Variants in FCHSD2 observed in about 807,000 individuals in gnomAD.
The protein encoded by FCHSD2 is F-BAR and double SH3 domains protein 2.
A neutral mutation model predicts 108.1 loss-of-function variants in FCHSD2; 38 were observed. The observed-to-expected ratio is 0.35, with a 90% CI of 0.27 to 0.46. FCHSD2 has a LOEUF of 0.46. Among genes scored for constraint, FCHSD2 ranks in the 20% least tolerant of loss-of-function variants. The probability of loss-of-function intolerance (pLI) is 1.00; values close to 1 mark genes in which losing one functional copy is unlikely to be tolerated. For synonymous variants in FCHSD2, 279 were observed against 314.7 expected (o/e 0.89, Z 1.20); for missense variants, 751 against 897.8 (o/e 0.84, Z 2.09).
chr11:73,072,240 G>A (rs1295021887), intron 3 of FCHSD2, among the ~76,000 whole-genome samples: 1 of 151,404 alleles, frequency 6.6e-6, no homozygotes, highest in Non-Finnish European at 1.5e-5. Flanking sequence ...GTTTGGGGAG[G>A]AAAATAATGG....
At chr11:73,102,447 G>A (rs752379088) in intron 2 of FCHSD2, among the ~76,000 whole-genome samples, 1 of 152,198 alleles carries the variant, frequency 6.6e-6, no homozygotes, top group Non-Finnish European at 1.5e-5. Flanking sequence ...AATGTGTACA[G>A]CAGCATTATT....
At chr11:73,008,768 G>A (rs1250325014) in intron 4 of FCHSD2, among the ~76,000 whole-genome samples, 2 of 152,142 alleles carry the variant, frequency 1.3e-5, no homozygotes, top group Non-Finnish European at 2.9e-5. Context: ...TATAGTTTGT[G>A]TCATTATAGC....
At chr11:72,950,516 T>C (rs190075895) in intron 8 of FCHSD2, among the ~76,000 whole-genome samples, 3 of 152,238 alleles carry the variant, frequency 2.0e-5, no homozygotes, top group Non-Finnish European at 2.9e-5. Flanking sequence ...TGCTGTGAGG[T>C]AGAGGTCCAA....
At chr11:73,116,001 C>T (rs1005869574) in intron 2 of FCHSD2, among the ~76,000 whole-genome samples, 3 of 152,206 alleles carry the variant, frequency 2.0e-5, no homozygotes, top group African/African-American at 7.2e-5. Flanking sequence ...ACTGTGTTAT[C>T]CACGAGTTTA....
intron 10 of FCHSD2, among the ~76,000 whole-genome samples, chr11:72,897,362 T>C (rs955027012): frequency 6.7e-6 from 1 of 149,528 alleles, no homozygotes; most frequent in African/African-American, 2.5e-5. Context: ...GTACTGAACA[T>C]GTACAGACTT....
At chr11:72,921,802 T>G (rs765550319) in intron 9 of FCHSD2, 26 bp downstream of exon 9, 1 of 1,595,498 alleles carries the variant, frequency 6.3e-7, no homozygotes, top group Non-Finnish European at 8.6e-7. Context: ...TGGATAACAC[T>G]ACACGTTGCA....
chr11:73,028,094 A>G (rs534857599), intron 3 of FCHSD2, among the ~76,000 whole-genome samples: 1 of 152,316 alleles, frequency 6.6e-6, no homozygotes, highest in Non-Finnish European at 1.5e-5. Flanking sequence ...CCCCACACAG[A>G]ATGCTCACAG....
At chr11:73,026,806 A>G (rs1420525758) in intron 3 of FCHSD2, among the ~76,000 whole-genome samples, 1 of 152,156 alleles carries the variant, frequency 6.6e-6, no homozygotes, top group East Asian at 1.9e-4. Context: ...ACAGCAAGTG[A>G]GTTCTCATGA....
At chr11:72,889,155 C>T (rs748024059) in intron 11 of FCHSD2, among the ~76,000 whole-genome samples, 29 of 151,316 alleles carry the variant, frequency 1.9e-4, no homozygotes, top group Non-Finnish European at 3.5e-4. Flanking sequence ...GGGGTTTCAC[C>T]GTAACACATG....
intron 2 of FCHSD2, among the ~76,000 whole-genome samples, chr11:73,089,304 G>A (rs944084455): frequency 3.3e-5 from 5 of 152,186 alleles, no homozygotes; most frequent in African/African-American, 1.2e-4. Context: ...GTAAGTATGT[G>A]AAGAAATCAG....
chr11:73,096,172 G>A (rs1860069659), intron 2 of FCHSD2, among the ~76,000 whole-genome samples: 3 of 151,828 alleles, frequency 2.0e-5, no homozygotes, highest in South Asian at 2.1e-4. Flanking sequence ...ACACCCATGA[G>A]CAAAAAAATG....
chr11:73,045,479 T>C (rs1405715857), intron 3 of FCHSD2, among the ~76,000 whole-genome samples: 4 of 152,104 alleles, frequency 2.6e-5, no homozygotes, highest in African/African-American at 9.7e-5. Flanking sequence ...GTATGTTTAT[T>C]GTGGCACTAT....
rs1293147213 is a variant in FCHSD2 at position 72,837,429 on chromosome 11, T to C, written c.*1362A>G. ...AGTTTTCAAAGCATAATACAACTTG[T>C]AGATTAAATTCTGCAAATTTGATTT... On this transcript the variant is annotated 3_prime_UTR_variant, in exon 20 of 20. Coordinates refer to ENST00000409418, the MANE Select transcript of FCHSD2 (RefSeq NM_014824.3). The C allele has an allele frequency of 6.7e-6, 1 of 150,334 alleles. No homozygotes were observed. The highest frequency in any genetic ancestry group is 1.5e-5 in the Non-Finnish European group (1 of 67,576). The allele number at this position is 150,334 out of a possible 1,614,324, so 9.3% of individuals were successfully genotyped here.
intron 14 of FCHSD2, chr11:72,843,783 C>T (rs1861039713): frequency 2.3e-6 from 1 of 436,330 alleles, no homozygotes; most frequent in East Asian, 3.8e-5. Flanking sequence ...ATGAACAGAA[C>T]ATGTAAGCCT....
At chr11:72,847,418 G>A (rs1254557283) in intron 14 of FCHSD2, among the ~76,000 whole-genome samples, 4 of 152,124 alleles carry the variant, frequency 2.6e-5, no homozygotes, top group Non-Finnish European at 2.9e-5. Context: ...GACCTACTAC[G>A]TGCTGGGCAT....
At chr11:73,036,853 T>G (rs960891883) in intron 3 of FCHSD2, among the ~76,000 whole-genome samples, 1 of 152,234 alleles carries the variant, frequency 6.6e-6, no homozygotes. Context: ...GAGTACAATT[T>G]TCTGTAATAC....
chr11:73,056,139 C>G (rs1411220420), intron 3 of FCHSD2, among the ~76,000 whole-genome samples: 2 of 152,232 alleles, frequency 1.3e-5, no homozygotes, highest in Admixed American at 1.3e-4. Context: ...CCCTAAGTGT[C>G]TTACTTATCT....
chr11:72,934,449 G>C (rs1402258359), intron 8 of FCHSD2, among the ~76,000 whole-genome samples: 2 of 151,484 alleles, frequency 1.3e-5, no homozygotes, highest in African/African-American at 4.8e-5. Context: ...TTCTGGCTCA[G>C]CCTCCCGAGT....
At chr11:72,853,464 G>A (rs2135176282) in intron 13 of FCHSD2, among the ~76,000 whole-genome samples, 1 of 152,280 alleles carries the variant, frequency 6.6e-6, no homozygotes, top group Non-Finnish European at 1.5e-5. Flanking sequence ...GCCCAGGCTG[G>A]AGTGTAGTGG....
Sources: gnomAD v4.1 joint callset for allele counts (sites outside exome capture counted in the v4.1 genomes callset) on GRCh38, gnomAD v4.1.1 for gene constraint, MANE v1.5 for transcripts, NCBI Gene and HGNC (gene_info 2026-07-23, HGNC 2026-07-21) for gene names.